Variants in HCRTR1 observed in about 807,000 individuals in gnomAD.
HCRTR1 encodes the protein orexin/Hypocretin receptor type 1.
Under a neutral mutation model 40.6 loss-of-function variants are expected in HCRTR1, and 28 were observed. The ratio of observed to expected loss-of-function variants is 0.69; its 90% CI spans 0.51 to 0.95. The LOEUF (loss-of-function observed/expected upper bound fraction) is 0.95, where lower values mean the gene tolerates loss of function less well. HCRTR1 is among the 40% of genes least tolerant of loss of function. HCRTR1 has a pLI of 0.00. For synonymous variants in HCRTR1, 209 were observed against 230.0 expected, an observed-to-expected ratio of 0.91 and a Z score of 0.83; for missense variants, 482 against 564.7, an observed-to-expected ratio of 0.85 and a Z score of 1.48.
chr1:31,624,939 C>T, intron 7 of HCRTR1, 58 bp from the exon 8 acceptor site: 1 of 1,511,264 alleles, frequency 6.6e-7, no homozygotes, highest in Non-Finnish European at 8.9e-7. Flanking sequence ...AGCAGCACTC[C>T]CCCAGTACAT....
chr1:31,619,634 C>T lies in HCRTR1; in HGVS notation c.302C>T (p.Pro101Leu), dbSNP rs200024185. 6.8e-6 allele frequency: 11 copies of T among 1,613,880 alleles called. No homozygotes were observed. Among genetic ancestry groups the T allele is most frequent in the Admixed American group, 1.7e-5 (1 of 59,978 alleles). Residue 101 changes from proline (P) to leucine (L), a missense_variant, in exon 4 of 9, where the codon CCG (proline) becomes CTG (leucine). By Grantham distance (98) the Pro-to-Leu change is moderately conservative. Transcript: ENST00000403528. ...GTTCTGGTGACTGCTATCTGCCTGC[C>T]GGCCAGCCTGCTGGTGGACATCACT... Reference protein sequence around the residue: ...ADVLVTAICLPASLLVDITES... With the variant: ...ADVLVTAICLLASLLVDITES...
downstream of HCRTR1, chr1:31,630,480 G>C (rs941474151): frequency 2.4e-5 from 23 of 952,138 alleles, no homozygotes; most frequent in African/African-American, 3.2e-5. Flanking sequence ...CCCTCTTTTG[G>C]AACAGTGTTG....
At position 31,626,047 on chromosome 1, in the gene HCRTR1, A is replaced by G. The variant is rs1639970169; in HGVS notation, c.1088-743A>G. Among the ~76,000 whole-genome samples the G allele has an allele frequency of 6.6e-6, 1 of 151,960 alleles. No homozygotes were observed. Among genetic ancestry groups the G allele is most frequent in the South Asian group, 2.1e-4 (1 of 4,824 alleles). On this transcript the variant is annotated intron_variant, in intron 8 of 8. Transcript: ENST00000403528. This position sits in a 1 kb window ranked among gnomAD's most constrained non-coding sequence, Gnocchi z 4.6. ...TGACACATATGCCTTTGTTTGGCCTATGTTTACTGAGCACCTACTATGTGC... is the reference window on the plus strand; with the variant it reads ...TGACACATATGCCTTTGTTTGGCCTGTGTTTACTGAGCACCTACTATGTGC...
At chr1:31,631,048 C>G (rs763716661), downstream of HCRTR1, among the ~76,000 whole-genome samples, 2 of 152,156 alleles carry the variant, frequency 1.3e-5, no homozygotes, top group African/African-American at 4.8e-5. Context: ...AGGTGGAAGG[C>G]CCTCATCCCT....
rs553377586 is a variant in HCRTR1, at chr1:31,627,611, G to C, written c.*631G>C. On this transcript the variant is annotated 3_prime_UTR_variant, in exon 9 of 9. Coordinates refer to ENST00000403528, the MANE Select transcript of HCRTR1 (RefSeq NM_001525.3). ...CAACTGTAATTAAAAGCCTGGCACTGAATGTTCCCTTTCCTTGTCATTGCA... is the reference window on the plus strand; with the variant it reads ...CAACTGTAATTAAAAGCCTGGCACTCAATGTTCCCTTTCCTTGTCATTGCA... The C allele has an allele frequency of 3.6e-5, 12 of 334,272 alleles. No individual in the cohort carries two copies. In the East Asian group the frequency reaches 9.6e-4, roughly 27 times the overall value. The allele number at this position is 334,272 out of a possible 1,614,324, so 20.7% of individuals were successfully genotyped here. A position where few individuals can be genotyped will look rare whatever the true frequency, so the allele number is the denominator to read the frequency against.
At chr1:31,632,462 T>C (rs1171314592), downstream of HCRTR1, 1 of 1,614,248 alleles carries the variant, frequency 6.2e-7, no homozygotes, top group Non-Finnish European at 8.5e-7. Flanking sequence ...TCTAGCTCTG[T>C]CCTGCCCATC....
Position 31,621,471 on chromosome 1 carries a change from C to A in HCRTR1, c.623-6C>A. ...GGCCTGACTCTGCATCTCTTGACCC[C>A]TGCAGATGACCTCTATCCCAAGATC... is the stretch of plus-strand genomic sequence containing the variant. On this transcript the variant is annotated splice_polypyrimidine_tract_variant and splice_region_variant and intron_variant, in intron 5 of 8. Coordinates refer to ENST00000403528, the MANE Select transcript of HCRTR1 (RefSeq NM_001525.3). 6.3e-7 allele frequency: 1 copy of A among 1,597,490 alleles called. No individual in the cohort carries two copies. The highest frequency in any genetic ancestry group is 8.6e-7 in the Non-Finnish European group (1 of 1,165,400).
At chr1:31,623,912 T>C (rs966224810) in intron 7 of HCRTR1, among the ~76,000 whole-genome samples, 163 bp downstream of exon 7, 2 of 152,136 alleles carry the variant, frequency 1.3e-5, no homozygotes, top group African/African-American at 4.8e-5. Flanking sequence ...ATCGTGAAAA[T>C]TCACGCATTC....
At position 31,619,646 on chromosome 1, in the gene HCRTR1, T is replaced by C. The variant is rs1412406186; in HGVS notation, c.314T>C (p.Leu105Pro). 1 of 1,613,828 alleles carries C rather than the reference T, an allele frequency of 6.2e-7. No individual in the cohort carries two copies. Among genetic ancestry groups the C allele is most frequent in the Non-Finnish European group, 8.5e-7 (1 of 1,179,926 alleles). The change falls in exon 4 of 9, where the codon CTG becomes CCG. Residue 105 changes from leucine (L) to proline (P), a missense_variant. Physicochemically the swap from Leu to Pro is moderately conservative, Grantham distance 98 (BLOSUM62 -3). Coordinates refer to ENST00000403528, the MANE Select transcript of HCRTR1 (RefSeq NM_001525.3). Reference protein sequence around the residue: ...VTAICLPASLLVDITESWLFG... With the variant: ...VTAICLPASLPVDITESWLFG... ...GCTATCTGCCTGCCGGCCAGCCTGC[T>C]GGTGGACATCACTGAGTCCTGGCTG... is the stretch of plus-strand genomic sequence containing the variant.
rs1156714789 is a variant in HCRTR1 at position 31,626,931 on chromosome 1, A to C, written c.1229A>C (p.Lys410Thr). The C allele has an allele frequency of 4.3e-6, 7 of 1,613,450 alleles. No individual in the cohort carries two copies. Among genetic ancestry groups the C allele is most frequent in the Non-Finnish European group, 3.4e-6 (4 of 1,180,008 alleles). The change falls in exon 9 of 9, where the codon AAA becomes ACA. Residue 410 changes from lysine (K) to threonine (T), a missense_variant. By Grantham distance (78) the Lys-to-Thr change is moderately conservative (BLOSUM62 -1). Transcript: ENST00000403528. This position sits in a 1 kb window ranked among gnomAD's most constrained non-coding sequence, Gnocchi z 4.6. ...TTGCAGAGCCGATGCTCCATCTCCA[A>C]AATCTCTGAGCATGTGGTGCTCACC... ...LSLQSRCSIS[K>T]ISEHVVLTSV...
intron 5 of HCRTR1, 111 bp downstream of exon 5, chr1:31,621,197 A>T: frequency 2.1e-6 from 3 of 1,402,216 alleles, no homozygotes; most frequent in Non-Finnish European, 2.9e-6. Context: ...ATCCCAGAGC[A>T]GGTATTTCCC....
At chr1:31,623,799 A>C in intron 7 of HCRTR1, 50 bp downstream of exon 7, 1 of 1,423,476 alleles carries the variant, frequency 7.0e-7, no homozygotes. Context: ...AGGTTGGGGA[A>C]GGAGCTCTCC....
chr1:31,633,025 C>G, downstream of HCRTR1: 1 of 1,099,550 alleles, frequency 9.1e-7, no homozygotes. Flanking sequence ...CACCCTGAAC[C>G]TAGCTTCCTC....
chr1:31,624,448 C>CAAAAAAAA (rs11438872), intron 7 of HCRTR1, among the ~76,000 whole-genome samples: 3,319 of 110,422 alleles, frequency 0.03, 194 homozygotes, highest in African/African-American at 0.052. Context: ...ACAGCTGTCT[C>CAAAAAAAA]AAAAAAAAAA....
chr1:31,624,921 G>GT (rs1314966671), intron 7 of HCRTR1, 76 bp from the exon 8 acceptor site: 2 of 1,453,116 alleles, frequency 1.4e-6, no homozygotes, highest in Non-Finnish European at 1.8e-6. Flanking sequence ...TACAGCTCAG[G>GT]TTCTGTGAGC....
Position 31,625,712 on chromosome 1 carries a change from GC to G in HCRTR1, c.1087+597del, listed in dbSNP as rs1639963030. On this transcript the variant is annotated intron_variant, in intron 8 of 8. Coordinates refer to ENST00000403528, the MANE Select transcript of HCRTR1 (RefSeq NM_001525.3). The surrounding 1 kb of genome is among the most constrained non-coding windows in gnomAD (Gnocchi z 4.2). Reference sequence around the variant, plus strand: ...CCTCTCCTCTCTGCTGTCCCACAGTGCCCACCCCCTCCCTCTACCTCCCAGT... The same window carrying G: ...CCTCTCCTCTCTGCTGTCCCACAGTGCCACCCCCTCCCTCTACCTCCCAGT... Among the ~76,000 whole-genome samples the G allele has an allele frequency of 6.6e-6, 1 of 151,792 alleles. No individual in the cohort carries two copies. The highest frequency in any genetic ancestry group is 1.5e-5 in the Non-Finnish European group (1 of 67,980).
At chr1:31,632,614 C>G (rs763935107), downstream of HCRTR1, 1 of 1,614,080 alleles carries the variant, frequency 6.2e-7, no homozygotes, top group Admixed American at 1.7e-5. Flanking sequence ...ATCGATGCGG[C>G]CTGACTTGGT....
chr1:31,623,296 C>CAAAA (rs11286118), intron 6 of HCRTR1, among the ~76,000 whole-genome samples: 2 of 133,268 alleles, frequency 1.5e-5, no homozygotes, highest in East Asian at 2.2e-4. Context: ...AATGCCATCT[C>CAAAA]AAAAAAAAAA....
rs1639792682 is a variant in HCRTR1, at chr1:31,619,139, C to G, written c.-54C>G. On this transcript the variant is annotated 5_prime_UTR_variant, in exon 3 of 9. Coordinates refer to ENST00000403528, the MANE Select transcript of HCRTR1 (RefSeq NM_001525.3). ...GGCTGAGGGCTGGCCCAAGCTCCCT[C>G]CTCTCCCTCTGTAGAGCCTAGGATG... The G allele has an allele frequency of 2.0e-6, 3 of 1,522,090 alleles. No homozygotes were observed. The highest frequency in any genetic ancestry group is 2.7e-6 in the Non-Finnish European group (3 of 1,118,036). The allele number at this position is 1,522,090 out of a possible 1,614,324, so 94.3% of individuals were successfully genotyped here.
Sources: allele counts gnomAD v4.1 joint callset (sites outside exome capture counted in the v4.1 genomes callset), GRCh38; gene constraint gnomAD v4.1.1; non-coding constraint Gnocchi (gnomAD v3.1); transcripts MANE v1.5; gene names NCBI Gene and HGNC (gene_info 2026-07-23, HGNC 2026-07-21).